Variants in C7 observed in about 807,000 individuals in gnomAD.
C7 encodes the protein complement component C7.
C7 carries 83 observed loss-of-function variants against 104.8 expected under a neutral mutation model. The observed-to-expected ratio is 0.79, with a 90% CI of 0.66 to 0.95. The LOEUF is 0.95. C7 is among the 40% of genes least tolerant of loss of function. The pLI is 0.00. For missense variants in C7, 1,070 were observed against 1,011.2 expected (o/e 1.06, Z -0.79); for synonymous variants, 415 against 360.6 (o/e 1.15, Z -1.71).
intron 6 of C7, 49 bp downstream of exon 6, chr5:40,937,739 A>C (rs1405315559): frequency 7.0e-7 from 1 of 1,423,260 alleles, no homozygotes; most frequent in South Asian, 1.4e-5. Context: ...AGAGAGCATT[A>C]TTTATATGAT....
intron 8 of C7, among the ~76,000 whole-genome samples, chr5:40,948,578 C>T (rs948312348): frequency 6.6e-6 from 1 of 152,232 alleles, no homozygotes; most frequent in South Asian, 2.1e-4. Flanking sequence ...TCAGGACATA[C>T]CCCTGAATTA....
chr5:40,931,241 A>G (rs970526987), intron 3 of C7, 102 bp downstream of exon 3: 1 of 812,902 alleles, frequency 1.2e-6, no homozygotes, highest in African/African-American at 1.7e-5. Context: ...TAGTGTCAAT[A>G]TTTTTTGAAA....
At chr5:40,953,798 T>C (rs1260583783) in intron 9 of C7, among the ~76,000 whole-genome samples, 2 of 46,346 alleles carry the variant, frequency 4.3e-5, no homozygotes. Context: ...ATCCTAAATA[T>C]CCTGATTTGA....
Position 40,909,539 on chromosome 5 carries a change from C to A in C7, c.-72C>A. 4.0e-6 allele frequency: 5 copies of A among 1,261,742 alleles called. No homozygotes were observed. The highest frequency in any genetic ancestry group is 5.6e-6 in the Non-Finnish European group (5 of 888,954). 78.2% of individuals were successfully genotyped at this position (1,261,742 alleles called of 1,614,324 possible). A position where few individuals can be genotyped will look rare whatever the true frequency, so the allele number is the denominator to read the frequency against. On this transcript the variant is annotated 5_prime_UTR_variant, in exon 1 of 18. It adds an upstream start codon to the 5' untranslated region. Transcript: ENST00000313164. ...CAGGCAGCCTGCTGGGCTCTTCCTG[C>A]TGTTGAAAACTTACCCGGCCCTTAC... is the stretch of plus-strand genomic sequence containing the variant.
intron 1 of C7, among the ~76,000 whole-genome samples, chr5:40,925,793 A>G (rs1739539338): frequency 1.3e-5 from 2 of 152,250 alleles, no homozygotes; most frequent in South Asian, 4.1e-4. Flanking sequence ...CAGGCAGGTC[A>G]CATGGCAACA....
chr5:40,919,543 C>T (rs1399993998), intron 1 of C7, among the ~76,000 whole-genome samples: 1 of 152,054 alleles, frequency 6.6e-6, no homozygotes, highest in East Asian at 1.9e-4. Flanking sequence ...GGGAGGATTG[C>T]TTAAGTCCAG....
chr5:40,980,054 C>T (rs760185672), intron 17 of C7, 145 bp downstream of exon 17: 1 of 568,768 alleles, frequency 1.8e-6, no homozygotes, highest in Non-Finnish European at 2.9e-6. Context: ...ATGCACTGAC[C>T]TCTCCTATAC....
At chr5:40,960,757 G>A (rs1740403071) in intron 12 of C7, among the ~76,000 whole-genome samples, 1 of 152,110 alleles carries the variant, frequency 6.6e-6, no homozygotes, top group Non-Finnish European at 1.5e-5. Context: ...TGAGAAGGAG[G>A]CCACACTCCC....
intron 16 of C7, among the ~76,000 whole-genome samples, chr5:40,978,978 C>A (rs1370161070): frequency 1.4e-5 from 2 of 144,264 alleles, no homozygotes; most frequent in East Asian, 4.2e-4. Flanking sequence ...CTCCTGGGTT[C>A]AAGTGATTCT....
At chr5:40,970,778 G>GCAATGTT (rs1740681999) in intron 14 of C7, among the ~76,000 whole-genome samples, 1 of 151,920 alleles carries the variant, frequency 6.6e-6, no homozygotes, top group Non-Finnish European at 1.5e-5. Flanking sequence ...CCCCTGACAG[G>GCAATGTT]CCACAGTGTG....
At chr5:40,971,143 T>A (rs1429905812) in intron 14 of C7, among the ~76,000 whole-genome samples, 1 of 152,180 alleles carries the variant, frequency 6.6e-6, no homozygotes, top group African/African-American at 2.4e-5. Context: ...TGGTTCTAGA[T>A]CCTTGAGGAA....
intron 1 of C7, among the ~76,000 whole-genome samples, chr5:40,922,656 G>T (rs111353536): frequency 6.9e-6 from 1 of 144,080 alleles, no homozygotes; most frequent in African/African-American, 2.6e-5. Flanking sequence ...AGCCAAGATC[G>T]CACTACTGCA....
intron 6 of C7, among the ~76,000 whole-genome samples, chr5:40,942,956 G>A (rs956585175): frequency 3.3e-5 from 5 of 152,100 alleles, no homozygotes; most frequent in African/African-American, 9.7e-5. Flanking sequence ...GTAGAGATGG[G>A]TTTCACCATG....
At chr5:40,969,550 C>T (rs1740645459) in intron 14 of C7, among the ~76,000 whole-genome samples, 1 of 152,144 alleles carries the variant, frequency 6.6e-6, no homozygotes. Context: ...TTTATGGCAA[C>T]CAGTGAGGCT....
intron 12 of C7, among the ~76,000 whole-genome samples, chr5:40,960,194 A>G (rs1254001266): frequency 6.6e-6 from 1 of 152,190 alleles, no homozygotes; most frequent in Non-Finnish European, 1.5e-5. Flanking sequence ...GCCATCTCAA[A>G]AATGCTCAGT....
intron 1 of C7, among the ~76,000 whole-genome samples, chr5:40,910,805 A>AG (rs1491514566): frequency 7.1e-6 from 1 of 141,174 alleles, no homozygotes; most frequent in Non-Finnish European, 1.5e-5. Flanking sequence ...AAAAAAAAAA[A>AG]CAAAAAAAAA....
intron 1 of C7, among the ~76,000 whole-genome samples, chr5:40,916,630 A>G (rs576059005): frequency 2.0e-4 from 31 of 152,312 alleles, no homozygotes; most frequent in Non-Finnish European, 1.5e-5. Flanking sequence ...TGTCCATGGC[A>G]TCACCCAACC....
At chr5:40,929,426 G>A (rs2111574479) in intron 2 of C7, among the ~76,000 whole-genome samples, 1 of 152,198 alleles carries the variant, frequency 6.6e-6, no homozygotes, top group Non-Finnish European at 1.5e-5. Context: ...AAAGTATTTA[G>A]GTATTTTGAT....
At chr5:40,957,905 G>A (rs1234256499) in intron 10 of C7, 128 bp from the exon 11 acceptor site, 1 of 572,874 alleles carries the variant, frequency 1.7e-6, no homozygotes. Context: ...ATTTGCATAA[G>A]AAACAATTGT....
Sources: allele counts gnomAD v4.1 joint callset (sites outside exome capture counted in the v4.1 genomes callset), GRCh38; gene constraint gnomAD v4.1.1; transcripts MANE v1.5; gene names NCBI Gene and HGNC (gene_info 2026-07-23, HGNC 2026-07-21).